Variants in RASSF8 observed in about 807,000 individuals in gnomAD.
The protein encoded by RASSF8 is ras association domain-containing protein 8.
Under a neutral mutation model 48.5 loss-of-function variants are expected in RASSF8, and 22 were observed. That is an observed-to-expected ratio of 0.45 (90% CI 0.32 to 0.65). The LOEUF (loss-of-function observed/expected upper bound fraction) is 0.65, where lower values mean the gene tolerates loss of function less well. Among genes scored for constraint, RASSF8 ranks in the 30% least tolerant of loss-of-function variants. The pLI, the probability that RASSF8 is intolerant of heterozygous loss-of-function variation, is 0.03. For synonymous variants in RASSF8, 127 were observed against 171.5 expected, an observed-to-expected ratio of 0.74 and a Z score of 2.03; for missense variants, 418 against 489.2, an observed-to-expected ratio of 0.85 and a Z score of 1.37.
chr12:26,079,496 CAGA>C (rs201320307), exon 6 of RASSF8: 5,950 of 151,918 alleles, frequency 0.039, 549 homozygotes, highest in East Asian at 0.29. Flanking sequence ...GAGGCTGAGG[CAGA>C]AGGATTGTTT....
intron 2 of RASSF8, among the ~76,000 whole-genome samples, chr12:26,053,889 CT>C (rs1357685011): frequency 6.6e-6 from 1 of 152,198 alleles, no homozygotes; most frequent in East Asian, 1.9e-4. Flanking sequence ...GTTTATTCTC[CT>C]TCCCCTTGCA....
At chr12:25,964,222 A>C (rs914812504) in intron 1 of RASSF8, among the ~76,000 whole-genome samples, 1 of 151,970 alleles carries the variant, frequency 6.6e-6, no homozygotes, top group African/African-American at 2.4e-5. Context: ...TTTTAACACC[A>C]ATAATATTTA....
Position 26,070,179 on chromosome 12 carries a change from C to A in RASSF8, c.*1361C>A. The A allele has an allele frequency of 1.0e-6, 1 of 959,870 alleles. No individual in the cohort carries two copies. Among genetic ancestry groups the A allele is most frequent in the Non-Finnish European group, 1.2e-6 (1 of 806,800 alleles). 59.5% of individuals were successfully genotyped at this position (959,870 alleles called of 1,614,324 possible). On this transcript the variant is annotated 3_prime_UTR_variant, in exon 6 of 6. Coordinates refer to ENST00000689635, the MANE Select transcript of RASSF8 (RefSeq NM_001394098.1). ...AGTTTTAATTCTGAAGAAGTTACAT[C>A]CTCTGTATTATTTACATGCAACAAA... is the stretch of plus-strand genomic sequence containing the variant.
In RASSF8 at chr12:25,986,608, T is replaced by G. The variant is rs1941881746; in HGVS notation, c.-202-8429T>G. On this transcript the variant is annotated intron_variant, in intron 1 of 5. Coordinates refer to ENST00000689635, the MANE Select transcript of RASSF8 (RefSeq NM_001394098.1). ...AGCCCCACAAGAGCAGCTTACTTCT[T>G]CTTAGAGCACCTCTTTCAGCTGCTC... 2.0e-5 allele frequency among the ~76,000 whole-genome samples: 3 copies of G among 152,148 alleles called. No homozygotes were observed. In the South Asian group the frequency reaches 6.2e-4, roughly 32 times the overall value.
At chr12:25,982,963 T>C (rs1240589768) in intron 1 of RASSF8, among the ~76,000 whole-genome samples, 1 of 152,220 alleles carries the variant, frequency 6.6e-6, no homozygotes, top group East Asian at 1.9e-4. Context: ...TCCACCATAG[T>C]AGCACAAGGC....
intron 2 of RASSF8, among the ~76,000 whole-genome samples, chr12:26,031,242 G>C (rs1165824674): frequency 1.3e-5 from 2 of 152,120 alleles, no homozygotes; most frequent in Admixed American, 6.5e-5. Context: ...CATTGGGTTA[G>C]ATTTCTGGAT....
intron 1 of RASSF8, among the ~76,000 whole-genome samples, chr12:25,986,607 T>A (rs1941881676): frequency 6.6e-6 from 1 of 152,180 alleles, no homozygotes; most frequent in South Asian, 2.1e-4. Context: ...AGCTTACTTC[T>A]TCTTAGAGCA....
At chr12:26,020,416 T>C (rs1452470421) in intron 2 of RASSF8, 1 of 152,194 alleles carries the variant, frequency 6.6e-6, no homozygotes, top group African/African-American at 2.4e-5. Context: ...AATTTGCTAC[T>C]GCATCTCCAG....
chr12:25,972,684 A>AAAGGAAAAAACACCAG (rs1200963745), intron 1 of RASSF8, among the ~76,000 whole-genome samples: 3 of 152,242 alleles, frequency 2.0e-5, no homozygotes, highest in African/African-American at 7.2e-5. Flanking sequence ...AGTAATACCA[A>AAAGGAAAAAACACCAG]AAGGAAAAAA....
At chr12:25,966,732 GT>G in intron 1 of RASSF8, among the ~76,000 whole-genome samples, 1 of 152,258 alleles carries the variant, frequency 6.6e-6, no homozygotes, top group South Asian at 2.1e-4. Flanking sequence ...CCCAGTTTGT[GT>G]CTCATCGTTT....
chr12:25,998,398 G>A (rs984418635), intron 2 of RASSF8, among the ~76,000 whole-genome samples: 1 of 148,964 alleles, frequency 6.7e-6, no homozygotes, highest in Non-Finnish European at 1.5e-5. Flanking sequence ...TGCCCAGGCT[G>A]GAGTGCAATG....
chr12:26,026,278 A>G (rs1036161047), intron 2 of RASSF8, among the ~76,000 whole-genome samples: 2 of 152,238 alleles, frequency 1.3e-5, no homozygotes, highest in Admixed American at 1.3e-4. Context: ...AAAGACAAAT[A>G]GTCCCATTAG....
intron 3 of RASSF8, among the ~76,000 whole-genome samples, chr12:26,063,251 A>G (rs146706169): frequency 3.3e-5 from 5 of 152,344 alleles, no homozygotes; most frequent in Non-Finnish European, 7.4e-5. Flanking sequence ...TAAATAATCT[A>G]TCTGACCCAC....
chr12:26,005,422 C>T (rs193091142), intron 2 of RASSF8, among the ~76,000 whole-genome samples: 1 of 152,308 alleles, frequency 6.6e-6, no homozygotes, highest in East Asian at 1.9e-4. Flanking sequence ...GCACCGGTGA[C>T]TGTCATCTTA....
At chr12:26,057,519 G>A (rs1449945831) in intron 3 of RASSF8, among the ~76,000 whole-genome samples, 1 of 152,104 alleles carries the variant, frequency 6.6e-6, no homozygotes, top group Non-Finnish European at 1.5e-5. Context: ...TCTTAATCCA[G>A]TCTATCATTG....
At chr12:26,015,590 T>A (rs1276950131) in intron 2 of RASSF8, among the ~76,000 whole-genome samples, 2 of 152,212 alleles carry the variant, frequency 1.3e-5, no homozygotes, top group African/African-American at 4.8e-5. Context: ...TTTGTGTACG[T>A]CTTTAAAGTT....
At chr12:26,014,430 AATAAATACG>A (rs1399340603) in intron 2 of RASSF8, among the ~76,000 whole-genome samples, 1 of 152,208 alleles carries the variant, frequency 6.6e-6, no homozygotes, top group Non-Finnish European at 1.5e-5. Flanking sequence ...TTTGGGAAAT[AATAAATACG>A]ATAAATTATT....
In RASSF8 at chr12:26,067,699, C is replaced by G. The variant is rs773551078; in HGVS notation, c.1124C>G (p.Ala375Gly). The G allele has an allele frequency of 2.5e-6, 4 of 1,614,128 alleles. No individual in the cohort carries two copies. In the East Asian group the frequency reaches 8.9e-5, roughly 36 times the overall value. ...CCCATTGAAATAGAGGCCTCACATG[C>G]AGACATTGAAAGGGGTAAGATGTTG... ...AEPIEIEASH[A>G]DIEREAPFQS... Residue 375 changes from alanine (A) to glycine (G), a missense_variant, in exon 5 of 6, where the codon GCA (alanine) becomes GGA (glycine). By Grantham distance (60) the Ala-to-Gly change is moderately conservative (BLOSUM62 0). Transcript: ENST00000689635.
intron 1 of RASSF8, among the ~76,000 whole-genome samples, chr12:25,987,012 C>T (rs925576213): frequency 2.0e-5 from 3 of 150,894 alleles, no homozygotes; most frequent in Admixed American, 1.3e-4. Context: ...CTCAGCTCAC[C>T]GCAACCTCGC....
Sources: gnomAD v4.1 joint callset for allele counts (sites outside exome capture counted in the v4.1 genomes callset) on GRCh38, gnomAD v4.1.1 for gene constraint, MANE v1.5 for transcripts, NCBI Gene and HGNC (gene_info 2026-07-23, HGNC 2026-07-21) for gene names.